Variants in CPEB1 observed in about 807,000 individuals in gnomAD.
The protein encoded by CPEB1 is cytoplasmic polyadenylation element-binding protein 1.
CPEB1 carries 7 observed loss-of-function variants against 65.8 expected under a neutral mutation model. That is an observed-to-expected ratio of 0.11 (90% CI 0.06 to 0.20). The LOEUF (loss-of-function observed/expected upper bound fraction) is 0.20. Ranked by LOEUF, CPEB1 falls within the 10% of genes least tolerant of loss-of-function variation. The probability of loss-of-function intolerance (pLI) is 1.00; values close to 1 mark genes in which losing one functional copy is unlikely to be tolerated. For missense variants in CPEB1, 551 were observed against 712.2 expected (o/e 0.77, Z 2.58); for synonymous variants, 262 against 260.0 (o/e 1.01, Z -0.08).
rs1360001337 is a variant in CPEB1 at position 82,571,284 on chromosome 15, T to C, written c.460+60A>G. The C allele has an allele frequency of 5.8e-6, 9 of 1,560,680 alleles. No homozygotes were observed. Among genetic ancestry groups the C allele is most frequent in the African/African-American group, 1.4e-5 (1 of 73,492 alleles). Reference sequence around the variant, plus strand: ...AACAGAACAACTGTTGCTGTGGATATCTTCGTTCACCACCCCCATGCATCC... The same window carrying C: ...AACAGAACAACTGTTGCTGTGGATACCTTCGTTCACCACCCCCATGCATCC... On this transcript the variant is annotated intron_variant, in intron 4 of 12. Transcript: ENST00000684509.
chr15:82,605,336 G>A (rs1259133968), intron 3 of CPEB1, among the ~76,000 whole-genome samples: 2 of 152,092 alleles, frequency 1.3e-5, no homozygotes, highest in African/African-American at 2.4e-5. Flanking sequence ...AAATATAATA[G>A]AGAGTATATT....
At chr15:82,604,431 G>T (rs2043382919) in intron 3 of CPEB1, among the ~76,000 whole-genome samples, 1 of 150,172 alleles carries the variant, frequency 6.7e-6, no homozygotes, top group African/African-American at 2.5e-5. Context: ...GCAGTGAGCC[G>T]AGATTGATCG....
chr15:82,600,088 C>CA (rs2151187552), intron 3 of CPEB1, among the ~76,000 whole-genome samples: 1 of 152,036 alleles, frequency 6.6e-6, no homozygotes, highest in Admixed American at 6.5e-5. Context: ...ACAAGAAACC[C>CA]AAGAACTCCC....
chr15:82,551,490 A>G (rs1441418911), intron 9 of CPEB1, among the ~76,000 whole-genome samples: 1 of 152,210 alleles, frequency 6.6e-6, no homozygotes, highest in Admixed American at 6.5e-5. Context: ...GGACCAAAGT[A>G]TAATGACATG....
rs562429932 is a variant in CPEB1, at chr15:82,571,575, C to T, written c.272-43G>A. ...ACAGCAGAAACCTCAGAGTTAAGGG[C>T]TGTTTTCCCCAATATTATCAACAGT... On this transcript the variant is annotated intron_variant, in intron 3 of 12. Transcript: ENST00000684509. The T allele has an allele frequency of 1.3e-4, 208 of 1,577,128 alleles. 1 individual carries two copies. In the South Asian group the frequency reaches 2.3e-3, roughly 17 times the overall value.
At chr15:82,578,799 A>G (rs1328693215) in intron 3 of CPEB1, among the ~76,000 whole-genome samples, 1 of 152,138 alleles carries the variant, frequency 6.6e-6, no homozygotes, top group African/African-American at 2.4e-5. Context: ...CATTCCAGCA[A>G]TAAGTCAGTC....
chr15:82,590,169 G>A (rs933091491), intron 3 of CPEB1, among the ~76,000 whole-genome samples: 1 of 130,912 alleles, frequency 7.6e-6, no homozygotes, highest in Non-Finnish European at 1.6e-5. Context: ...TAAAAGAAGT[G>A]CAGAATAGTC....
chr15:82,592,577 CAAAAA>C (rs71453399), intron 3 of CPEB1, among the ~76,000 whole-genome samples: 2 of 85,436 alleles, frequency 2.3e-5, no homozygotes, highest in Non-Finnish European at 5.3e-5. Flanking sequence ...GATATTGTCT[CAAAAA>C]AAAAAAAAAA....
chr15:82,643,030 C>T (rs1045182737), intron 1 of CPEB1, among the ~76,000 whole-genome samples: 1 of 152,150 alleles, frequency 6.6e-6, no homozygotes, highest in African/African-American at 2.4e-5. Flanking sequence ...AAAGCCTGCA[C>T]AGACAACACC....
chr15:82,580,319 TAAAA>T (rs370232078), intron 3 of CPEB1, among the ~76,000 whole-genome samples: 4 of 133,524 alleles, frequency 3.0e-5, no homozygotes, highest in Admixed American at 7.6e-5. Context: ...GACTCTGTCT[TAAAA>T]AAAAAAAAAA....
At position 82,549,517 on chromosome 15, in the gene CPEB1, G is replaced by A; in HGVS notation, c.1423C>T (p.Leu475=). ...CCGGCATACACCACTCCACCAAATA[G>A]GTCGTTCAAGATGGCTGCCAGGGCC... is the stretch of plus-strand genomic sequence containing the variant. ...AEALAAILND[L]FGGVVYAGID... is the part of the protein sequence containing the mutation. The change falls in exon 10 of 13, where the codon CTA becomes TTA. Residue 475 remains leucine (L), a synonymous_variant. Transcript: ENST00000684509. 1 of 1,614,206 alleles carries A rather than the reference G, an allele frequency of 6.2e-7. No individual in the cohort carries two copies.
rs2044347420 is a variant in CPEB1, at chr15:82,613,218, CTTGAG to C, written c.271+13970_271+13974del. On this transcript the variant is annotated intron_variant, in intron 3 of 12. Coordinates refer to ENST00000684509, the MANE Select transcript of CPEB1 (RefSeq NM_001365242.1). ...ACTAAATAAAATATATTATGAACAA[CTTGAG>C]TTAATTCCAGGAATGCGAAGTTGGC... 3.3e-5 allele frequency among the ~76,000 whole-genome samples: 5 copies of C among 152,246 alleles called. No individual in the cohort carries two copies. The South Asian group carries it at 1.0e-3, about 32-fold the overall frequency.
Position 82,628,516 on chromosome 15 carries a change from T to A in CPEB1, c.-57A>T. Reference sequence around the variant, plus strand: ...CGATTATTCAAGGCTGCTTTTGACTTCTTTTACAATACAGACCCTTCTATT... The same window carrying A: ...CGATTATTCAAGGCTGCTTTTGACTACTTTTACAATACAGACCCTTCTATT... On this transcript the variant is annotated 5_prime_UTR_variant, in exon 2 of 13. Transcript: ENST00000684509. The A allele has an allele frequency of 1.4e-6, 1 of 698,828 alleles. No individual in the cohort carries two copies. The highest frequency in any genetic ancestry group is 2.0e-5 in the Admixed American group (1 of 49,736). The allele number at this position is 698,828 out of a possible 1,614,324, so 43.3% of individuals were successfully genotyped here. A position where few individuals can be genotyped will look rare whatever the true frequency, so the allele number is the denominator to read the frequency against.
intron 3 of CPEB1, among the ~76,000 whole-genome samples, chr15:82,613,917 T>G (rs1180004784): frequency 6.6e-6 from 1 of 151,918 alleles, no homozygotes; most frequent in East Asian, 1.9e-4. Flanking sequence ...AGGAAGGGAC[T>G]GGCCTCCTTG....
intron 10 of CPEB1, among the ~76,000 whole-genome samples, chr15:82,549,255 A>G (rs1198573280): frequency 6.6e-6 from 1 of 152,012 alleles, no homozygotes; most frequent in African/African-American, 2.4e-5. Flanking sequence ...TTTTTCTCCC[A>G]CTGCGTGGGA....
intron 4 of CPEB1, among the ~76,000 whole-genome samples, chr15:82,566,492 C>T (rs1255829362): frequency 6.6e-6 from 1 of 152,044 alleles, no homozygotes; most frequent in African/African-American, 2.4e-5. Flanking sequence ...TGCCTGTGAC[C>T]CCAAATCTGC....
At chr15:82,623,816 C>CT (rs1392918225) in intron 3 of CPEB1, among the ~76,000 whole-genome samples, 1 of 152,024 alleles carries the variant, frequency 6.6e-6, no homozygotes, top group Non-Finnish European at 1.5e-5. Context: ...TTACACTTCG[C>CT]TTTTTTTCAT....
chr15:82,572,609 A>T (rs1299859330), intron 3 of CPEB1, among the ~76,000 whole-genome samples: 1 of 152,166 alleles, frequency 6.6e-6, no homozygotes, highest in East Asian at 1.9e-4. Context: ...AACACTCTCG[A>T]AGCAGCATCT....
In CPEB1 at chr15:82,543,909, G is replaced by A. The variant is rs893111136; in HGVS notation, c.*683C>T. 85 of 152,354 alleles carry A rather than the reference G, an allele frequency of 5.6e-4. No homozygotes were observed. Among genetic ancestry groups the A allele is most frequent in the African/African-American group, 2.0e-3 (83 of 41,532 alleles). The allele number at this position is 152,354 out of a possible 1,614,324, so 9.4% of individuals were successfully genotyped here. A position where few individuals can be genotyped will look rare whatever the true frequency, so the allele number is the denominator to read the frequency against. ...CCCCCAGACACAAATTTGCTATAAT[G>A]TTAAAAGCTGCCAGGAAAGAAAAAA... is the stretch of plus-strand genomic sequence containing the variant. On this transcript the variant is annotated 3_prime_UTR_variant, in exon 13 of 13. Coordinates refer to ENST00000684509, the MANE Select transcript of CPEB1 (RefSeq NM_001365242.1).
Sources: allele counts gnomAD v4.1 joint callset (sites outside exome capture counted in the v4.1 genomes callset), GRCh38; gene constraint gnomAD v4.1.1; transcripts MANE v1.5; gene names NCBI Gene and HGNC (gene_info 2026-07-23, HGNC 2026-07-21).